Variants in SNX25 observed in about 807,000 individuals in gnomAD.
SNX25 encodes the protein sorting nexin-25.
SNX25 carries 62 observed loss-of-function variants against 113.7 expected under a neutral mutation model. The ratio of observed to expected loss-of-function variants is 0.55; its 90% CI spans 0.44 to 0.67. The LOEUF (loss-of-function observed/expected upper bound fraction) is 0.67, where lower values mean the gene tolerates loss of function less well. SNX25 is among the 30% of genes least tolerant of loss of function. SNX25 has a pLI of 0.00. For missense variants in SNX25, 1,014 were observed against 1,161.0 expected (o/e 0.87, Z 1.84); for synonymous variants, 421 against 436.2 (o/e 0.97, Z 0.43).
At chr4:185,270,709 A>G (rs1285231261) in intron 5 of SNX25, among the ~76,000 whole-genome samples, 2 of 152,106 alleles carry the variant, frequency 1.3e-5, no homozygotes, top group Non-Finnish European at 1.5e-5. Flanking sequence ...AGCCCTTGGC[A>G]ACCGCCAGTC....
At chr4:185,350,467 TG>T (rs1415562173) in intron 13 of SNX25, among the ~76,000 whole-genome samples, 1 of 152,218 alleles carries the variant, frequency 6.6e-6, no homozygotes, top group Non-Finnish European at 1.5e-5. Context: ...CCATAGCACT[TG>T]TACATAGACA....
At chr4:185,239,517 C>A (rs893206029) in intron 1 of SNX25, among the ~76,000 whole-genome samples, 18 of 152,132 alleles carry the variant, frequency 1.2e-4, no homozygotes, top group Non-Finnish European at 1.5e-4. Flanking sequence ...AAGTTTTGCT[C>A]TGTCTTTAGA....
chr4:185,373,358 C>A (rs2095422355), downstream of SNX25, among the ~76,000 whole-genome samples: 3 of 152,110 alleles, frequency 2.0e-5, no homozygotes, highest in South Asian at 6.2e-4. Context: ...ATTTGGGGAT[C>A]TTCAGAGTAA....
intron 1 of SNX25, 91 bp from the exon 2 acceptor site, chr4:185,247,203 G>A: frequency 3.6e-6 from 3 of 825,074 alleles, no homozygotes; most frequent in East Asian, 5.2e-5. Flanking sequence ...CTTAATGCTT[G>A]TTTAGATGGC....
chr4:185,371,265 C>T (rs149106106), downstream of SNX25, among the ~76,000 whole-genome samples: 1,272 of 152,192 alleles, frequency 8.4e-3, 15 homozygotes, highest in African/African-American at 0.029. Context: ...ATTGGCTGGG[C>T]GCGGTGGCTC....
At chr4:185,366,392 C>T (rs1362252873), downstream of SNX25, 1 of 152,076 alleles carries the variant, frequency 6.6e-6, no homozygotes, top group Non-Finnish European at 1.5e-5. Flanking sequence ...ATAGCAATTG[C>T]TTTTTGTTTT....
chr4:185,289,653 T>A (rs112056874), intron 6 of SNX25, among the ~76,000 whole-genome samples: 1,708 of 152,280 alleles, frequency 0.011, 22 homozygotes, highest in South Asian at 0.05. Flanking sequence ...ATCTGATGAA[T>A]TCCTGCAAGA....
chr4:185,298,538 A>G (rs1484740657), intron 6 of SNX25, among the ~76,000 whole-genome samples: 2 of 151,974 alleles, frequency 1.3e-5, no homozygotes, highest in Non-Finnish European at 2.9e-5. Context: ...TTGTCTTCCC[A>G]TTTTTCTTAT....
At chr4:185,340,087 C>T (rs1035203727) in intron 11 of SNX25, among the ~76,000 whole-genome samples, 13 of 152,162 alleles carry the variant, frequency 8.5e-5, no homozygotes, top group Admixed American at 8.5e-4. Flanking sequence ...CAACTTCCTT[C>T]TCCCCTGCCC....
chr4:185,305,233 C>T (rs1754295782), intron 6 of SNX25, among the ~76,000 whole-genome samples: 1 of 152,062 alleles, frequency 6.6e-6, no homozygotes, highest in African/African-American at 2.4e-5. Context: ...CACAGGACAG[C>T]CCCCCACAGC....
At chr4:185,245,623 G>A (rs1271395523) in intron 1 of SNX25, among the ~76,000 whole-genome samples, 2 of 152,028 alleles carry the variant, frequency 1.3e-5, no homozygotes, top group Non-Finnish European at 2.9e-5. Flanking sequence ...ATAAGCGTAA[G>A]CCACTGCACC....
intron 1 of SNX25, among the ~76,000 whole-genome samples, chr4:185,241,465 GGAAAGA>G (rs1743991451): frequency 8.0e-6 from 1 of 124,618 alleles, no homozygotes; most frequent in Non-Finnish European, 1.9e-5. Context: ...GGGAGACCGT[GGAAAGA>G]GAGGGAGAGG....
At chr4:185,211,648 CAT>C (rs1359697266) in intron 1 of SNX25, among the ~76,000 whole-genome samples, 9 of 152,254 alleles carry the variant, frequency 5.9e-5, no homozygotes, top group African/African-American at 2.2e-4. Context: ...CAACAGGACA[CAT>C]AAATATCCTG....
chr4:185,226,121 A>G (rs1348881601), intron 1 of SNX25, among the ~76,000 whole-genome samples: 18 of 152,126 alleles, frequency 1.2e-4, no homozygotes, highest in Admixed American at 1.2e-3. Context: ...CTCTCTCTCA[A>G]TACAGCATTC....
intron 1 of SNX25, among the ~76,000 whole-genome samples, chr4:185,224,529 ATATATATAAATAT>A (rs1740627474): frequency 2.9e-5 from 3 of 102,234 alleles, no homozygotes; most frequent in African/African-American, 7.5e-5. Flanking sequence ...ATATATATAC[ATATATATAAATAT>A]ATATACATAT....
downstream of SNX25, among the ~76,000 whole-genome samples, chr4:185,372,389 T>C: frequency 6.6e-6 from 1 of 152,234 alleles, no homozygotes; most frequent in East Asian, 1.9e-4. Context: ...TTACATTAAG[T>C]AAAATTTAAA....
chr4:185,300,331 T>G (rs904548043), intron 6 of SNX25, among the ~76,000 whole-genome samples: 1 of 151,512 alleles, frequency 6.6e-6, no homozygotes, highest in African/African-American at 2.4e-5. Context: ...GCTATTTTTT[T>G]TTTTTTTTTG....
intron 6 of SNX25, among the ~76,000 whole-genome samples, chr4:185,307,274 A>T (rs1371075599): frequency 6.6e-6 from 1 of 152,188 alleles, no homozygotes; most frequent in African/African-American, 2.4e-5. Context: ...CATTACTTAG[A>T]CTGCACTCGT....
intron 1 of SNX25, among the ~76,000 whole-genome samples, chr4:185,215,597 T>C (rs917607745): frequency 6.6e-6 from 1 of 152,218 alleles, no homozygotes; most frequent in Admixed American, 6.5e-5. Flanking sequence ...ATTATGCTAA[T>C]GTGATAAACT....
Sources: gnomAD v4.1 joint callset for allele counts (sites outside exome capture counted in the v4.1 genomes callset) on GRCh38, gnomAD v4.1.1 for gene constraint, MANE v1.5 for transcripts, NCBI Gene and HGNC (gene_info 2026-07-23, HGNC 2026-07-21) for gene names.